DOCK7: variants seen among roughly 807,000 people sequenced by gnomAD.
DOCK7 encodes dedicator of cytokinesis protein 7.
A neutral mutation model predicts 271.0 loss-of-function variants in DOCK7; 138 were observed. The observed-to-expected ratio is 0.51, with a 90% CI of 0.44 to 0.59. DOCK7 has a LOEUF of 0.59. Among genes scored for constraint, DOCK7 ranks in the 20% least tolerant of loss-of-function variants. The probability of loss-of-function intolerance (pLI) is 0.00; values close to 1 mark genes in which losing one functional copy is unlikely to be tolerated. For missense variants in DOCK7, 2,066 were observed against 2,592.4 expected, an observed-to-expected ratio of 0.80 and a Z score of 4.41; for synonymous variants, 823 against 876.1, an observed-to-expected ratio of 0.94 and a Z score of 1.07.
chr1:62,578,911 G>A lies in DOCK7; in HGVS notation c.1927C>T (p.His643Tyr). The stretch of plus-strand genomic sequence containing the variant: ...TAAAAAGTAAAAAGCAAGTGATGAT[G>A]GTCAGTTAAAGTAGCAGGAAGCTTA... ...KVKLPATLTDHHHLLFTFYHV... is the reference protein window; with the variant it reads ...KVKLPATLTDYHHLLFTFYHV... Residue 643 changes from histidine to tyrosine, a missense_variant, in exon 17 of 50, where the codon CAT (histidine) becomes TAT (tyrosine). Coordinates refer to ENST00000635253, the MANE Select transcript of DOCK7 (RefSeq NM_001367561.1). The A allele has an allele frequency of 1.2e-6, 2 of 1,607,146 alleles. No individual in the cohort carries two copies. The highest frequency in any genetic ancestry group is 1.7e-6 in the Non-Finnish European group (2 of 1,177,606).
At chr1:62,521,667 A>C (rs938907173) in intron 31 of DOCK7, among the ~76,000 whole-genome samples, 1 of 152,220 alleles carries the variant, frequency 6.6e-6, no homozygotes, top group Non-Finnish European at 1.5e-5. Context: ...TACTAGAATA[A>C]AATTTACAAA....
rs1284552225 is a variant in DOCK7 at position 62,670,090 on chromosome 1, C to A, written c.39-6960G>T. On this transcript the variant is annotated intron_variant, in intron 1 of 49. Transcript: ENST00000635253. ...CAGCAGTGCCGGCCCACCGGTGCTG[C>A]GCTCGATTTCTCGCCGGGCCTTGGC... Among the ~76,000 whole-genome samples, 3 of 150,842 alleles carry A rather than the reference C, an allele frequency of 2.0e-5. No individual in the cohort carries two copies. In the East Asian group the frequency reaches 6.0e-4, roughly 30 times the overall value.
intron 42 of DOCK7, 31 bp downstream of exon 42, chr1:62,488,903 T>C: frequency 6.2e-7 from 1 of 1,613,058 alleles, no homozygotes; most frequent in South Asian, 1.1e-5. Flanking sequence ...TTTTTTCCCT[T>C]TATAGTGAAG....
At chr1:62,473,476 T>C (rs888025453) in intron 48 of DOCK7, among the ~76,000 whole-genome samples, 5 of 152,196 alleles carry the variant, frequency 3.3e-5, no homozygotes, top group South Asian at 2.1e-4. Context: ...CATGGCACTA[T>C]AGAGTATGGT....
chr1:62,537,833 A>T, intron 28 of DOCK7, 58 bp downstream of exon 28: 1 of 1,488,584 alleles, frequency 6.7e-7, no homozygotes, highest in Admixed American at 1.8e-5. Flanking sequence ...TCCATTGTTT[A>T]AAACTATTCT....
At chr1:62,497,476 A>C (rs1317086484) in intron 37 of DOCK7, among the ~76,000 whole-genome samples, 1 of 152,150 alleles carries the variant, frequency 6.6e-6, no homozygotes, top group Non-Finnish European at 1.5e-5. Context: ...TTATCTAAAA[A>C]AGTGATACTA....
chr1:62,492,582 T>C (rs2149294387), intron 41 of DOCK7, 122 bp downstream of exon 41: 1 of 1,261,212 alleles, frequency 7.9e-7, no homozygotes, highest in Non-Finnish European at 1.1e-6. Context: ...GCCACCATAC[T>C]GGGTCCAGAA....
intron 14 of DOCK7, chr1:62,605,580 G>A (rs1243994319): frequency 6.6e-6 from 1 of 152,224 alleles, no homozygotes; most frequent in Admixed American, 6.6e-5. Context: ...TAATTGTAAA[G>A]GAATCTTGTC....
At chr1:62,574,934 T>A (rs994416114) in intron 18 of DOCK7, among the ~76,000 whole-genome samples, 1 of 152,130 alleles carries the variant, frequency 6.6e-6, no homozygotes, top group African/African-American at 2.4e-5. Context: ...TTTTGCCATG[T>A]TAGCCCTGAT....
chr1:62,685,534 C>A (rs1004457353), intron 1 of DOCK7, among the ~76,000 whole-genome samples: 13 of 152,086 alleles, frequency 8.5e-5, no homozygotes, highest in Non-Finnish European at 1.5e-4. Flanking sequence ...CATCAACCCC[C>A]ACCCACCCCC....
At chr1:62,686,959 A>G (rs1661846438) in intron 1 of DOCK7, among the ~76,000 whole-genome samples, 1 of 151,600 alleles carries the variant, frequency 6.6e-6, no homozygotes, top group South Asian at 2.1e-4. Flanking sequence ...TTTTGCAGAG[A>G]TGGGGTGGGG....
At chr1:62,539,963 G>C in intron 25 of DOCK7, 71 bp from the exon 26 acceptor site, 1 of 1,063,388 alleles carries the variant, frequency 9.4e-7, no homozygotes, top group Non-Finnish European at 1.3e-6. Context: ...TAAACACTTG[G>C]ACTATTTTTA....
chr1:62,593,285 C>G (rs188615314), intron 14 of DOCK7, among the ~76,000 whole-genome samples: 57 of 152,134 alleles, frequency 3.7e-4, no homozygotes, highest in Admixed American at 5.9e-4. Flanking sequence ...CATTAAAAAT[C>G]TTAGCTGGGC....
At chr1:62,464,857 T>C (rs966285428) in intron 48 of DOCK7, among the ~76,000 whole-genome samples, 1 of 152,326 alleles carries the variant, frequency 6.6e-6, no homozygotes, top group African/African-American at 2.4e-5. Context: ...CCAATGAATG[T>C]AACTCTTTGG....
chr1:62,466,562 T>C (rs1645683016), intron 48 of DOCK7, among the ~76,000 whole-genome samples: 1 of 152,176 alleles, frequency 6.6e-6, no homozygotes, highest in Non-Finnish European at 1.5e-5. Context: ...TCTTTTGATA[T>C]TGGACATTGC....
intron 17 of DOCK7, among the ~76,000 whole-genome samples, chr1:62,578,409 GACAAGAAATATTTAAATA>G (rs1479834598): frequency 6.6e-6 from 1 of 152,036 alleles, no homozygotes; most frequent in Non-Finnish European, 1.5e-5. Context: ...TGGGGAATCA[GACAAGAAATATTTAAATA>G]ACAAGAAACA....
At chr1:62,513,669 T>G in intron 32 of DOCK7, 47 bp downstream of exon 32, 1 of 1,605,010 alleles carries the variant, frequency 6.2e-7, no homozygotes, top group East Asian at 2.2e-5. Flanking sequence ...TTTTCCACAT[T>G]ATGTTTCTCC....
At chr1:62,528,492 C>G (rs1420280047) in intron 30 of DOCK7, among the ~76,000 whole-genome samples, 187 bp from the exon 31 acceptor site, 1 of 152,064 alleles carries the variant, frequency 6.6e-6, no homozygotes, top group African/African-American at 2.4e-5. Context: ...TTATAGTTTA[C>G]AGAGAACATT....
intron 18 of DOCK7, among the ~76,000 whole-genome samples, chr1:62,572,281 T>C (rs1348597207): frequency 1.3e-5 from 2 of 152,222 alleles, no homozygotes. Context: ...AATATTCTAA[T>C]AAGCAATGGC....
Sources: allele counts gnomAD v4.1 joint callset (sites outside exome capture counted in the v4.1 genomes callset), GRCh38; gene constraint gnomAD v4.1.1; transcripts MANE v1.5; gene names NCBI Gene and HGNC (gene_info 2026-07-23, HGNC 2026-07-21).